The following CLIC6 variants were observed in gnomAD, a reference collection of about 807,000 sequenced individuals.
CLIC6 encodes CLIC family member 6, also known as chloride intracellular channel protein 6.
A neutral mutation model predicts 49.2 loss-of-function variants in CLIC6; 39 were observed. The ratio of observed to expected loss-of-function variants is 0.79; its 90% CI spans 0.61 to 1.04. CLIC6 has a LOEUF of 1.04. Among genes scored for constraint, CLIC6 ranks in the 50% least tolerant of loss-of-function variants. The pLI, the probability that CLIC6 is intolerant of heterozygous loss-of-function variation, is 0.00. For synonymous variants in CLIC6, 446 were observed against 433.4 expected, an observed-to-expected ratio of 1.03 and a Z score of -0.36; for missense variants, 988 against 993.1, an observed-to-expected ratio of 0.99 and a Z score of 0.07.
intron 2 of CLIC6, 141 bp downstream of exon 2, chr21:34,707,530 C>T (rs1016486869): frequency 6.1e-6 from 4 of 654,630 alleles, no homozygotes; most frequent in East Asian, 2.8e-5. Context: ...AACTGAAGCC[C>T]ACATGTGGGC....
In CLIC6 at chr21:34,669,112, A is replaced by C. The variant is rs749855487; in HGVS notation, c.-277A>C. 6.6e-6 allele frequency among the ~76,000 whole-genome samples: 1 copy of C among 152,220 alleles called. No individual in the cohort carries two copies. Among genetic ancestry groups the C allele is most frequent in the Non-Finnish European group, 1.5e-5 (1 of 68,040 alleles). Reference sequence around the variant, plus strand: ...GGGCGAGATTGGGGTCCCGGTGGGAAGCAGACGCGCAATCGGGGAGAAGCT... The same window carrying C: ...GGGCGAGATTGGGGTCCCGGTGGGACGCAGACGCGCAATCGGGGAGAAGCT... On this transcript the variant is annotated 5_prime_UTR_variant, in exon 1 of 6. Transcript: ENST00000349499.
chr21:34,686,493 G>A (rs537115375), intron 1 of CLIC6, among the ~76,000 whole-genome samples: 1 of 152,286 alleles, frequency 6.6e-6, no homozygotes, highest in African/African-American at 2.4e-5. Flanking sequence ...ATTAAAGATG[G>A]CTGCCATTTC....
At chr21:34,696,321 T>C (rs1243285407) in intron 1 of CLIC6, among the ~76,000 whole-genome samples, 1 of 152,242 alleles carries the variant, frequency 6.6e-6, no homozygotes, top group Admixed American at 6.5e-5. Context: ...CCACTGTTTG[T>C]ACTTTGCACT....
At chr21:34,687,057 T>C (rs1161874391) in intron 1 of CLIC6, among the ~76,000 whole-genome samples, 1 of 152,184 alleles carries the variant, frequency 6.6e-6, no homozygotes, top group Admixed American at 6.5e-5. Context: ...GGTAATTTGT[T>C]ACGTGGCAAT....
chr21:34,669,640 G>A lies in CLIC6; in HGVS notation c.252G>A (p.Glu84=), dbSNP rs2145792309. 2.3e-6 allele frequency: 3 copies of A among 1,309,688 alleles called. No homozygotes were observed. The highest frequency in any genetic ancestry group is 1.5e-5 in the African/African-American group (1 of 64,848). 81.1% of individuals were successfully genotyped at this position (1,309,688 alleles called of 1,614,324 possible). A position where few individuals can be genotyped will look rare whatever the true frequency, so the allele number is the denominator to read the frequency against. Residue 84 remains glutamate, a synonymous_variant, in exon 1 of 6, where the codon GAG becomes GAA. Coordinates refer to ENST00000349499, the MANE Select transcript of CLIC6 (RefSeq NM_053277.3). ...RGTRGAHGET[E]AEEGAPEGAE... Reference sequence around the variant, plus strand: ...CGAGGGGGGCGCACGGCGAGACTGAGGCCGAGGAGGGAGCCCCGGAGGGTG... The same window carrying A: ...CGAGGGGGGCGCACGGCGAGACTGAAGCCGAGGAGGGAGCCCCGGAGGGTG...
intron 1 of CLIC6, among the ~76,000 whole-genome samples, chr21:34,684,488 G>C (rs898518897): frequency 6.6e-6 from 1 of 152,216 alleles, no homozygotes; most frequent in African/African-American, 2.4e-5. Flanking sequence ...ATGTATGAAT[G>C]ACAGCCATGT....
At chr21:34,706,286 C>A (rs572000288) in intron 1 of CLIC6, among the ~76,000 whole-genome samples, 1 of 152,264 alleles carries the variant, frequency 6.6e-6, no homozygotes, top group African/African-American at 2.4e-5. Flanking sequence ...ACAGCTCAAT[C>A]TTGTCAATCT....
chr21:34,678,151 G>A (rs1045289471), intron 1 of CLIC6, among the ~76,000 whole-genome samples: 1 of 152,068 alleles, frequency 6.6e-6, no homozygotes, highest in Non-Finnish European at 1.5e-5. Context: ...AAAGTTTCTG[G>A]CTGGGTGAGG....
Position 34,669,506 on chromosome 21 carries a change from G to C in CLIC6, c.118G>C (p.Gly40Arg). ...AGGAGCCGCGGGCGGGGAGGCAGAA[G>C]GGCCGGAGGGGAGCGAGGGCGCAGA... ...EPGAAGGEAE[G>R]PEGSEGAEEA... The change falls in exon 1 of 6, where the codon GGG becomes CGG. Residue 40 changes from glycine (G) to arginine (R), a missense_variant. Gly to Arg is a moderately radical substitution (Grantham distance 125). Around this residue, in one of 3 missense-constraint regions of CLIC6, gnomAD observed 284 missense variants for 278.6 expected, o/e 1.02. Transcript: ENST00000349499. 1.6e-6 allele frequency: 2 copies of C among 1,235,466 alleles called. No homozygotes were observed. Among genetic ancestry groups the C allele is most frequent in the Non-Finnish European group, 2.0e-6 (2 of 990,422 alleles). 76.5% of individuals were successfully genotyped at this position (1,235,466 alleles called of 1,614,324 possible). A position where few individuals can be genotyped will look rare whatever the true frequency, so the allele number is the denominator to read the frequency against.
chr21:34,679,889 C>T (rs1407651276), intron 1 of CLIC6, among the ~76,000 whole-genome samples: 2 of 152,256 alleles, frequency 1.3e-5, no homozygotes, highest in African/African-American at 4.8e-5. Flanking sequence ...TCCCTCTTGG[C>T]TGCTTTCACG....
chr21:34,691,534 T>C (rs73359038), intron 1 of CLIC6, among the ~76,000 whole-genome samples: 2,120 of 149,110 alleles, frequency 0.014, 53 homozygotes, highest in African/African-American at 0.052. Context: ...AGGCTTTCCT[T>C]TCAATCTCTG....
intron 5 of CLIC6, among the ~76,000 whole-genome samples, chr21:34,715,675 T>G (rs1201066956): frequency 6.6e-6 from 1 of 152,254 alleles, no homozygotes; most frequent in African/African-American, 2.4e-5. Flanking sequence ...CCCCTCTTGC[T>G]AGAGGAAGTA....
intron 1 of CLIC6, among the ~76,000 whole-genome samples, chr21:34,691,839 A>G (rs1176217865): frequency 6.6e-6 from 1 of 152,262 alleles, no homozygotes; most frequent in African/African-American, 2.4e-5. Context: ...AATTGACTAC[A>G]GGTGGCTCTT....
At chr21:34,710,152 C>T (rs1163609997) in intron 5 of CLIC6, among the ~76,000 whole-genome samples, 1 of 151,824 alleles carries the variant, frequency 6.6e-6, no homozygotes, top group Non-Finnish European at 1.5e-5. Flanking sequence ...GTGGTGTGTG[C>T]CTGTAGTCCC....
At chr21:34,709,799 G>A (rs938541443) in intron 5 of CLIC6, among the ~76,000 whole-genome samples, 13 of 152,328 alleles carry the variant, frequency 8.5e-5, no homozygotes, top group African/African-American at 3.1e-4. Context: ...CTAAAGACAG[G>A]TTATGTGAAA....
chr21:34,714,263 A>G (rs2056073573), intron 5 of CLIC6, among the ~76,000 whole-genome samples: 1 of 152,266 alleles, frequency 6.6e-6, no homozygotes, highest in South Asian at 2.1e-4. Context: ...CGGACAGAAT[A>G]GAGTCAGAAT....
chr21:34,707,481 C>T (rs997990702), intron 2 of CLIC6, 92 bp downstream of exon 2: 14 of 601,112 alleles, frequency 2.3e-5, no homozygotes, highest in African/African-American at 1.0e-4. Flanking sequence ...CTGAGGCCAA[C>T]GGTGCTGCAT....
At chr21:34,685,486 A>T (rs1187559850) in intron 1 of CLIC6, among the ~76,000 whole-genome samples, 3 of 152,206 alleles carry the variant, frequency 2.0e-5, no homozygotes, top group Non-Finnish European at 2.9e-5. Flanking sequence ...TTGGTGTGAG[A>T]GCCTTGGAGG....
chr21:34,703,020 ACTCACT>A (rs543866242), intron 1 of CLIC6, among the ~76,000 whole-genome samples: 47 of 146,582 alleles, frequency 3.2e-4, no homozygotes, highest in Non-Finnish European at 6.1e-4. Context: ...GCCCATTATC[ACTCACT>A]CACTCTCCAC....
Sources: gnomAD v4.1 joint callset for allele counts (sites outside exome capture counted in the v4.1 genomes callset) on GRCh38, gnomAD v4.1.1 for gene constraint, gnomAD v4.1.1 regional missense constraint, MANE v1.5 for transcripts, NCBI Gene and HGNC (gene_info 2026-07-23, HGNC 2026-07-21) for gene names.